ZP1: variants seen among roughly 807,000 people sequenced by gnomAD.
The protein encoded by ZP1 is zona pellucida sperm-binding protein 1.
Under a neutral mutation model 67.4 loss-of-function variants are expected in ZP1, and 58 were observed. The ratio of observed to expected loss-of-function variants is 0.86; its 90% CI spans 0.70 to 1.07. The LOEUF (loss-of-function observed/expected upper bound fraction) is 1.07. Among genes scored for constraint, ZP1 ranks in the 50% least tolerant of loss-of-function variants. The pLI is 0.00. For synonymous variants in ZP1, 333 were observed against 332.7 expected (o/e 1.00, Z -0.01); for missense variants, 759 against 807.3 (o/e 0.94, Z 0.72).
chr11:60,870,535 T>G, intron 4 of ZP1, 60 bp downstream of exon 4: 2 of 1,526,050 alleles, frequency 1.3e-6, no homozygotes, highest in Admixed American at 4.0e-5. Context: ...GAAGGAGAGC[T>G]GTCTCCTCCA....
intron 1 of ZP1, 115 bp downstream of exon 1, chr11:60,867,872 G>C: frequency 8.2e-7 from 1 of 1,213,014 alleles, no homozygotes; most frequent in Admixed American, 2.6e-5. Flanking sequence ...CAGCCTGGGG[G>C]TGTCCAGCCC....
At position 60,875,557 on chromosome 11, in the gene ZP1, C is replaced by T; in HGVS notation, c.1818C>T (p.Val606=). The T allele has an allele frequency of 1.9e-6, 3 of 1,614,124 alleles. No homozygotes were observed. Among genetic ancestry groups the T allele is most frequent in the East Asian group, 2.2e-5 (1 of 44,878 alleles). ...GCCTGAGACCTCTCCTTTGGGCGGT[C>T]CTTTTGCTGCCAGCTGTTGCCCTGG... The part of the protein sequence containing the change: ...NSSLRPLLWA[V]LLLPAVALVL... Residue 606 remains valine, a synonymous_variant, in exon 12 of 12, where the codon GTC becomes GTT. Transcript: ENST00000278853.
Position 60,867,674 on chromosome 11 carries a change from G to C in ZP1, c.113G>C (p.Arg38Pro), listed in dbSNP as rs759093238. 4 of 1,613,924 alleles carry C rather than the reference G, an allele frequency of 2.5e-6. No individual in the cohort carries two copies. In the African/African-American group the frequency reaches 5.3e-5, roughly 22 times the overall value. ...LQPDPGLPGL[R>P]HSYDCGIKGM... ...CCCGACCCTGGCCTCCCAGGCCTCC[G>C]GCACAGCTACGACTGTGGGATCAAG... Residue 38 changes from arginine to proline, a missense_variant, in exon 1 of 12, where the codon CGG (arginine) becomes CCG (proline). Arg to Pro is a moderately radical substitution (Grantham distance 103, BLOSUM62 -2). Coordinates refer to ENST00000278853, the MANE Select transcript of ZP1 (RefSeq NM_207341.4).
intron 1 of ZP1, among the ~76,000 whole-genome samples, chr11:60,867,967 C>G (rs1855501087): frequency 6.6e-6 from 1 of 152,162 alleles, no homozygotes; most frequent in African/African-American, 2.4e-5. Context: ...TGGGAAACAC[C>G]TGGCCACCTT....
Position 60,869,236 on chromosome 11 carries a change from C to T in ZP1, c.288C>T (p.Ala96=), listed in dbSNP as rs753998317. 3.7e-5 allele frequency: 60 copies of T among 1,614,074 alleles called. No homozygotes were observed. The highest frequency in any genetic ancestry group is 2.0e-4 in the Admixed American group (12 of 59,990). The change falls in exon 2 of 12, where the codon GCC becomes GCT. Residue 96 remains alanine (A), a synonymous_variant. Transcript: ENST00000278853. ...CGCAGGAGCCTGCAGTCTTCTCGGC[C>T]GATTACAGAGGCTGCCACGTGCTGG... ...SRPQEPAVFS[A]DYRGCHVLEK...
chr11:60,874,939 T>C lies in ZP1; in HGVS notation c.1579T>C (p.Leu527=). The C allele has an allele frequency of 1.2e-6, 2 of 1,614,238 alleles. No individual in the cohort carries two copies. The highest frequency in any genetic ancestry group is 1.7e-5 in the Admixed American group (1 of 60,030). The stretch of plus-strand genomic sequence containing the variant: ...GTTCTTCTCCTTCCACCAGGTTTAC[T>C]TGTTCTGCAGCACCTCTGCCTGCCA... The part of the protein sequence containing the change: ...SQRALRGLVY[L]FCSTSACHTS... Residue 527 remains leucine, a synonymous_variant, in exon 10 of 12, where the codon TTG becomes CTG. Coordinates refer to ENST00000278853, the MANE Select transcript of ZP1 (RefSeq NM_207341.4).
intron 6 of ZP1, 140 bp downstream of exon 6, chr11:60,871,454 G>A: frequency 1.1e-6 from 1 of 889,014 alleles, no homozygotes; most frequent in Non-Finnish European, 1.7e-6. Flanking sequence ...TAGGCAAGGG[G>A]CCCACCTCTT....
At chr11:60,872,915 C>T (rs367573543) in intron 6 of ZP1, among the ~76,000 whole-genome samples, 17 of 152,284 alleles carry the variant, frequency 1.1e-4, no homozygotes, top group African/African-American at 3.8e-4. Context: ...TGTATTCTCC[C>T]ACCAGGTGCA....
chr11:60,868,266 C>T (rs56291461), intron 1 of ZP1, among the ~76,000 whole-genome samples: 9,431 of 152,188 alleles, frequency 0.062, 589 homozygotes, highest in African/African-American at 0.17. Context: ...AGGCTGGTCT[C>T]GAACTCCTGA....
chr11:60,867,893 C>A, intron 1 of ZP1, 136 bp downstream of exon 1: 1 of 994,584 alleles, frequency 1.0e-6, no homozygotes, highest in Non-Finnish European at 1.5e-6. Flanking sequence ...CCCACCCCCT[C>A]ACCACAGAAA....
intron 6 of ZP1, among the ~76,000 whole-genome samples, chr11:60,871,777 G>T (rs928848546): frequency 6.6e-6 from 1 of 152,212 alleles, no homozygotes; most frequent in Non-Finnish European, 1.5e-5. Flanking sequence ...GAACTGGGTG[G>T]GGGAGGAACC....
At chr11:60,869,086 C>A (rs1408319426) in intron 1 of ZP1, 59 bp from the exon 2 acceptor site, 2 of 1,604,604 alleles carry the variant, frequency 1.2e-6, no homozygotes, top group African/African-American at 1.3e-5. Context: ...TTCCGAGACC[C>A]CAGCAACCTC....
chr11:60,870,543 C>T, intron 4 of ZP1, 68 bp downstream of exon 4: 1 of 1,519,234 alleles, frequency 6.6e-7, no homozygotes, highest in Non-Finnish European at 8.8e-7. Flanking sequence ...GCTGTCTCCT[C>T]CAGCTGGTGG....
intron 1 of ZP1, 124 bp from the exon 2 acceptor site, chr11:60,869,017 AAACT>A: frequency 1.7e-6 from 2 of 1,147,448 alleles, no homozygotes; most frequent in Non-Finnish European, 2.5e-6. Flanking sequence ...ACCACACAAC[AAACT>A]AATAGCAAAG....
At chr11:60,868,351 C>T (rs1221393340) in intron 1 of ZP1, among the ~76,000 whole-genome samples, 2 of 152,216 alleles carry the variant, frequency 1.3e-5, no homozygotes, top group Non-Finnish European at 2.9e-5. Flanking sequence ...CCAGCCTAGG[C>T]TCTGCATCTC....
chr11:60,870,112 G>GT (rs774330952), intron 3 of ZP1, among the ~76,000 whole-genome samples: 4 of 152,172 alleles, frequency 2.6e-5, no homozygotes, highest in African/African-American at 4.8e-5. Flanking sequence ...TTGTAAATTT[G>GT]TTTCCTAACT....
chr11:60,873,686 G>C lies in ZP1; in HGVS notation c.1483G>C (p.Ala495Pro), dbSNP rs752704773. The change falls in exon 9 of 12, where the codon GCC becomes CCC. Residue 495 changes from alanine (A) to proline (P), a missense_variant. Transcript: ENST00000278853. ...YRTQMVALDG[A>P]TPFQSHYQRF... Reference sequence around the variant, plus strand: ...AACCCAAATGGTAGCCTTGGACGGGGCCACACCTTTCCAGTCGCACTACCA... The same window carrying C: ...AACCCAAATGGTAGCCTTGGACGGGCCCACACCTTTCCAGTCGCACTACCA... 8.1e-6 allele frequency: 13 copies of C among 1,614,034 alleles called. No homozygotes were observed. The highest frequency in any genetic ancestry group is 1.1e-5 in the Non-Finnish European group (13 of 1,180,038).
chr11:60,875,488 C>A, intron 11 of ZP1, 26 bp from the exon 12 acceptor site: 1 of 1,612,588 alleles, frequency 6.2e-7, no homozygotes, highest in South Asian at 1.1e-5. Flanking sequence ...CCTCACCCAG[C>A]CCTGCCAATC....
At chr11:60,868,454 G>A (rs1322760876) in intron 1 of ZP1, among the ~76,000 whole-genome samples, 1 of 152,220 alleles carries the variant, frequency 6.6e-6, no homozygotes, top group East Asian at 1.9e-4. Context: ...GTTTAGAACT[G>A]GGGTTTGGAT....
Sources: allele counts gnomAD v4.1 joint callset (sites outside exome capture counted in the v4.1 genomes callset), GRCh38; gene constraint gnomAD v4.1.1; transcripts MANE v1.5; gene names NCBI Gene and HGNC (gene_info 2026-07-23, HGNC 2026-07-21).